The following RAI1 variants were observed in gnomAD, a reference collection of about 807,000 sequenced individuals.
The protein encoded by RAI1 is retinoic acid induced 1.
A neutral mutation model predicts 123.8 loss-of-function variants in RAI1; 9 were observed. The observed-to-expected ratio is 0.07, with a 90% confidence interval of 0.04 to 0.13. The LOEUF is 0.13. Among genes scored for constraint, RAI1 ranks in the 10% least tolerant of loss-of-function variants. RAI1 has a pLI of 1.00. For missense variants in RAI1, 2,256 were observed against 2,545.8 expected (o/e 0.89, Z 2.45); for synonymous variants, 1,231 against 1,127.3 (o/e 1.09, Z -1.84).
chr17:17,786,324 G>A (rs1260349073), intron 2 of RAI1, among the ~76,000 whole-genome samples: 2 of 152,214 alleles, frequency 1.3e-5, no homozygotes, highest in Non-Finnish European at 2.9e-5. Context: ...GAGTTACTGT[G>A]ACATTTTGTG....
intron 4 of RAI1, among the ~76,000 whole-genome samples, chr17:17,807,280 C>T (rs536369514): frequency 1.5e-3 from 228 of 151,476 alleles, no homozygotes; most frequent in Non-Finnish European, 2.1e-3. Context: ...AGTGAGAGGG[C>T]ACTGAGGGAG....
Position 17,737,267 on chromosome 17 carries a change from G to A in RAI1, c.-17+13108G>A, listed in dbSNP as rs137943692. Among the ~76,000 whole-genome samples the A allele has an allele frequency of 4.6e-3, 701 of 152,302 alleles. 4 individuals are homozygous for A. The highest frequency in any genetic ancestry group is 0.016 in the African/African-American group (672 of 41,566). ...GCCTGGCTGTTTCAAGGCCACTTGAGGAGGCAATAGGGGAGGGTCTCAGGG... is the reference window on the plus strand; with the variant it reads ...GCCTGGCTGTTTCAAGGCCACTTGAAGAGGCAATAGGGGAGGGTCTCAGGG... On this transcript the variant is annotated intron_variant, in intron 2 of 5. Coordinates refer to ENST00000353383, the MANE Select transcript of RAI1 (RefSeq NM_030665.4).
At chr17:17,741,700 C>G (rs1004546913) in intron 2 of RAI1, among the ~76,000 whole-genome samples, 5 of 152,218 alleles carry the variant, frequency 3.3e-5, no homozygotes, top group Non-Finnish European at 7.3e-5. Flanking sequence ...GCAGCCTTTG[C>G]GTCTCAGGAA....
intron 2 of RAI1, among the ~76,000 whole-genome samples, chr17:17,747,803 G>A (rs1057137719): frequency 6.6e-6 from 1 of 152,206 alleles, no homozygotes; most frequent in Non-Finnish European, 1.5e-5. Context: ...AGTGGTGCAT[G>A]TCTATAATCC....
intron 4 of RAI1, among the ~76,000 whole-genome samples, chr17:17,804,489 G>T (rs558938553): frequency 6.6e-6 from 1 of 152,204 alleles, no homozygotes; most frequent in African/African-American, 2.4e-5. Context: ...CCACCCAAGA[G>T]CCCTTACCTT....
At chr17:17,802,912 C>T (rs545348420) in intron 3 of RAI1, among the ~76,000 whole-genome samples, 14 of 151,986 alleles carry the variant, frequency 9.2e-5, no homozygotes, top group East Asian at 1.9e-4. Context: ...AGTGAAACTC[C>T]GTCTCTACTA....
Position 17,724,128 on chromosome 17 carries a change from C to A in RAI1, c.-48C>A, listed in dbSNP as rs534110466. On this transcript the variant is annotated 5_prime_UTR_variant, in exon 2 of 6. Coordinates refer to ENST00000353383, the MANE Select transcript of RAI1 (RefSeq NM_030665.4). ...AGGGAGACGGCGAGACGCGCAGCGC[C>A]GGCGCCCGGGAGACCCAGGAGGAGC... 1.3e-5 allele frequency: 2 copies of A among 150,986 alleles called. No homozygotes were observed. The highest frequency in any genetic ancestry group is 1.3e-4 in the Admixed American group (2 of 15,068). 9.4% of individuals were successfully genotyped at this position (150,986 alleles called of 1,614,324 possible).
At chr17:17,683,984 C>T (rs1455734506) in intron 1 of RAI1, 1 of 152,276 alleles carries the variant, frequency 6.6e-6, no homozygotes, top group Non-Finnish European at 1.5e-5. Context: ...AGCGATCCTC[C>T]AGCATCAGTC....
intron 1 of RAI1, among the ~76,000 whole-genome samples, chr17:17,715,521 T>A (rs1915682374): frequency 6.6e-6 from 1 of 152,190 alleles, no homozygotes; most frequent in Non-Finnish European, 1.5e-5. Flanking sequence ...ACCAGGGCAT[T>A]CTGGGATGAC....
chr17:17,699,642 A>G (rs1253970662), intron 1 of RAI1, among the ~76,000 whole-genome samples: 3 of 149,360 alleles, frequency 2.0e-5, no homozygotes, highest in Non-Finnish European at 3.0e-5. Context: ...GGGGGGGGGA[A>G]TCAAATGAAT....
In RAI1 at chr17:17,714,689, G is replaced by T. The variant is rs1050951513; in HGVS notation, c.-148-9339G>T. 6.6e-6 allele frequency among the ~76,000 whole-genome samples: 1 copy of T among 152,158 alleles called. No individual in the cohort carries two copies. The highest frequency in any genetic ancestry group is 2.4e-5 in the African/African-American group (1 of 41,442). On this transcript the variant is annotated intron_variant, in intron 1 of 5. Coordinates refer to ENST00000353383, the MANE Select transcript of RAI1 (RefSeq NM_030665.4). This position sits in a 1 kb window ranked among gnomAD's most constrained non-coding sequence, Gnocchi z 4.9. ...ACACATTGTGGGAGTGCTGTGGGTCGAATAAGGAAGCTGAGCAGCAGGCAG... is the reference window on the plus strand; with the variant it reads ...ACACATTGTGGGAGTGCTGTGGGTCTAATAAGGAAGCTGAGCAGCAGGCAG...
At chr17:17,724,928 C>A (rs2142933796) in intron 2 of RAI1, among the ~76,000 whole-genome samples, 1 of 152,302 alleles carries the variant, frequency 6.6e-6, no homozygotes, top group African/African-American at 2.4e-5. Flanking sequence ...CAGTGGCCCC[C>A]CTGCCCTGCG....
Position 17,809,735 on chromosome 17 carries a change from G to A in RAI1, c.5710-235G>A, listed in dbSNP as rs1250763225. Among the ~76,000 whole-genome samples, 2 of 152,188 alleles carry A rather than the reference G, an allele frequency of 1.3e-5. No individual in the cohort carries two copies. Among genetic ancestry groups the A allele is most frequent in the African/African-American group, 2.4e-5 (1 of 41,460 alleles). On this transcript the variant is annotated intron_variant, in intron 5 of 5. Transcript: ENST00000353383. This position sits in a 1 kb window ranked among gnomAD's most constrained non-coding sequence, Gnocchi z 4.9. The stretch of plus-strand genomic sequence containing the variant: ...CTGCAGCTCCCCAAGATAGGTGACA[G>A]AGTGGGGCAGGCGGGGGCGCGGGAC...
chr17:17,707,498 A>G (rs1461386610), intron 1 of RAI1, among the ~76,000 whole-genome samples: 2 of 152,182 alleles, frequency 1.3e-5, no homozygotes, highest in African/African-American at 4.8e-5. Flanking sequence ...ATAGCAGTGC[A>G]AAGGTCCTGA....
intron 1 of RAI1, among the ~76,000 whole-genome samples, chr17:17,721,711 C>T (rs537294379): frequency 3.9e-5 from 6 of 152,340 alleles, no homozygotes; most frequent in East Asian, 3.9e-4. Flanking sequence ...ATACACAATG[C>T]GCATCTCCTG....
intron 1 of RAI1, among the ~76,000 whole-genome samples, chr17:17,701,496 G>A (rs970627001): frequency 6.6e-5 from 10 of 152,140 alleles, no homozygotes; most frequent in Non-Finnish European, 1.0e-4. Context: ...TTTGCAGAGG[G>A]AAGGAAAACG....
chr17:17,797,329 G>A lies in RAI1; in HGVS notation c.4381G>A (p.Gly1461Ser), dbSNP rs2032297262. 6 of 1,612,396 alleles carry A rather than the reference G, an allele frequency of 3.7e-6. No homozygotes were observed. Among genetic ancestry groups the A allele is most frequent in the Non-Finnish European group, 4.2e-6 (5 of 1,179,808 alleles). The change falls in exon 3 of 6, where the codon GGC (glycine) becomes AGC (serine). Residue 1461 changes from glycine (G) to serine (S), a missense_variant. Physicochemically the swap from Gly to Ser is moderately conservative, Grantham distance 56 (BLOSUM62 0). Around this residue, in one of 7 missense-constraint regions of RAI1, gnomAD observed 410 missense variants for 374.6 expected, o/e 1.09. Transcript: ENST00000353383. ...GRAGAHGLSK[G>S]PLEKRPYLGP... The stretch of plus-strand genomic sequence containing the variant: ...GGCAGGGGCCCATGGACTCTCCAAA[G>A]GCCCGCTGGAGAAGCGGCCCTATCT...
intron 1 of RAI1, among the ~76,000 whole-genome samples, chr17:17,704,033 G>T (rs765350699): frequency 6.6e-6 from 1 of 152,176 alleles, no homozygotes; most frequent in African/African-American, 2.4e-5. Flanking sequence ...CTCCTCGGGG[G>T]GTGGCCCAAG....
intron 2 of RAI1, chr17:17,782,236 G>A (rs1159823484): frequency 1.3e-5 from 2 of 152,216 alleles, no homozygotes; most frequent in Non-Finnish European, 2.9e-5. Context: ...CGCGTCCTCG[G>A]CTGGTGGAGC....
Sources: allele counts gnomAD v4.1 joint callset (sites outside exome capture counted in the v4.1 genomes callset), GRCh38; gene constraint gnomAD v4.1.1; regional missense constraint gnomAD v4.1.1; non-coding constraint Gnocchi (gnomAD v3.1); transcripts MANE v1.5; gene names NCBI Gene and HGNC (gene_info 2026-07-23, HGNC 2026-07-21).